ARHGAP28: variants seen among roughly 807,000 people sequenced by gnomAD.
ARHGAP28 encodes rho GTPase-activating protein 28.
ARHGAP28 carries 56 observed loss-of-function variants against 90.7 expected under a neutral mutation model. The ratio of observed to expected loss-of-function variants is 0.62; its 90% confidence interval spans 0.50 to 0.77. The LOEUF is 0.77. Among genes scored for constraint, ARHGAP28 ranks in the 30% least tolerant of loss-of-function variants. The probability of loss-of-function intolerance (pLI) is 0.00; values close to 1 mark genes in which losing one functional copy is unlikely to be tolerated. For missense variants in ARHGAP28, 869 were observed against 900.9 expected, an observed-to-expected ratio of 0.96 and a Z score of 0.45; for synonymous variants, 308 against 323.3, an observed-to-expected ratio of 0.95 and a Z score of 0.51.
At position 6,730,221 on chromosome 18, in the gene ARHGAP28, G is replaced by GTATGTATGTATATATATATATATA. The variant is rs1555621918; in HGVS notation, c.122+281_122+282insGTATGTATATATATATATATATAT. ...GATACGATTTGAGGATAAGTCATGT[G>GTATGTATGTATATATATATATATA]TATATATATATATATACCTCATTTC... On this transcript the variant is annotated intron_variant, in intron 1 of 17. Coordinates refer to ENST00000383472, the MANE Select transcript of ARHGAP28 (RefSeq NM_001366230.1). 37 of 175,084 alleles carry GTATGTATGTATATATATATATATA rather than the reference G, an allele frequency of 2.1e-4. 2 individuals are homozygous for GTATGTATGTATATATATATATATA. The East Asian group carries it at 3.9e-3, about 18-fold the overall frequency. 10.8% of individuals were successfully genotyped at this position (175,084 alleles called of 1,614,324 possible).
intron 1 of ARHGAP28, among the ~76,000 whole-genome samples, chr18:6,765,121 C>G (rs2056190282): frequency 1.3e-5 from 2 of 152,064 alleles, no homozygotes; most frequent in South Asian, 2.1e-4. Flanking sequence ...GGTTTTTGTT[C>G]TGGTAATGTC....
chr18:6,907,783 T>C (rs2057372028), intron 16 of ARHGAP28, among the ~76,000 whole-genome samples: 1 of 152,172 alleles, frequency 6.6e-6, no homozygotes, highest in African/African-American at 2.4e-5. Context: ...ACTAGAGTTT[T>C]GTGAGATGTT....
At chr18:6,766,570 A>G (rs1428333066) in intron 1 of ARHGAP28, among the ~76,000 whole-genome samples, 4 of 152,106 alleles carry the variant, frequency 2.6e-5, no homozygotes, top group South Asian at 2.1e-4. Flanking sequence ...TACAGCGCCA[A>G]TGCCAGCTCC....
intron 1 of ARHGAP28, among the ~76,000 whole-genome samples, chr18:6,738,529 C>T (rs2055947785): frequency 6.6e-6 from 1 of 152,134 alleles, no homozygotes; most frequent in Non-Finnish European, 1.5e-5. Context: ...TACCTTTATA[C>T]AAAGGCCCAT....
chr18:6,839,347 G>A (rs1042909464), intron 3 of ARHGAP28, among the ~76,000 whole-genome samples: 1 of 148,496 alleles, frequency 6.7e-6, no homozygotes, highest in South Asian at 2.1e-4. Context: ...AGGCTGGAGT[G>A]CAGTGGCGCA....
rs374482561 is a variant in ARHGAP28 at position 6,730,219 on chromosome 18, G to GTATATATATATA, written c.122+277_122+278insATATATATATAT. ...TTGATACGATTTGAGGATAAGTCAT[G>GTATATATATATA]TGTATATATATATATATACCTCATT... On this transcript the variant is annotated intron_variant, in intron 1 of 17. Transcript: ENST00000383472. 225 of 158,740 alleles carry GTATATATATATA rather than the reference G, an allele frequency of 1.4e-3. 16 individuals are homozygous for GTATATATATATA. The highest frequency in any genetic ancestry group is 3.6e-3 in the African/African-American group (112 of 30,832). The allele number at this position is 158,740 out of a possible 1,614,324, so 9.8% of individuals were successfully genotyped here.
intron 3 of ARHGAP28, among the ~76,000 whole-genome samples, chr18:6,844,119 G>A (rs1204661395): frequency 6.6e-6 from 1 of 152,032 alleles, no homozygotes; most frequent in East Asian, 1.9e-4. Context: ...TAATTGATAA[G>A]CAACTAGCTA....
intron 4 of ARHGAP28, among the ~76,000 whole-genome samples, chr18:6,851,555 G>A (rs543218322): frequency 1.9e-4 from 29 of 152,126 alleles, no homozygotes; most frequent in African/African-American, 6.3e-4. Flanking sequence ...AGACCCAACC[G>A]TTCTACTCAT....
chr18:6,850,771 G>T, intron 3 of ARHGAP28: 1 of 1,505,278 alleles, frequency 6.6e-7, no homozygotes, highest in Non-Finnish European at 8.8e-7. Flanking sequence ...AGTTAGGAAA[G>T]AAAAGAAAGT....
chr18:6,869,250 ATTCTTTTTTTTT>A (rs2057062779), intron 6 of ARHGAP28, among the ~76,000 whole-genome samples: 1 of 103,812 alleles, frequency 9.6e-6, no homozygotes. Flanking sequence ...TCCTTTTGCC[ATTCTTTTTTTTT>A]TTTTTTTTTT....
At chr18:6,735,294 G>A (rs2055915755) in intron 1 of ARHGAP28, among the ~76,000 whole-genome samples, 2 of 152,122 alleles carry the variant, frequency 1.3e-5, no homozygotes, top group South Asian at 4.1e-4. Context: ...ACTAAACAAA[G>A]TAAAACTGGT....
intron 14 of ARHGAP28, among the ~76,000 whole-genome samples, chr18:6,893,406 C>T (rs910450286): frequency 1.3e-5 from 2 of 152,188 alleles, no homozygotes; most frequent in African/African-American, 4.8e-5. Context: ...AAGCACTCCC[C>T]TAGTTGAAGC....
At chr18:6,846,419 T>G (rs916797401) in intron 3 of ARHGAP28, among the ~76,000 whole-genome samples, 23 of 152,198 alleles carry the variant, frequency 1.5e-4, no homozygotes, top group Non-Finnish European at 7.3e-5. Flanking sequence ...GGTTTGGATG[T>G]GGCCAGTTTG....
chr18:6,828,724 T>C (rs1210301716), intron 2 of ARHGAP28, among the ~76,000 whole-genome samples: 1 of 151,956 alleles, frequency 6.6e-6, no homozygotes, highest in East Asian at 1.9e-4. Context: ...GATGGAAGAG[T>C]GGGGAATAAG....
At chr18:6,772,136 G>A (rs1453455146) in intron 1 of ARHGAP28, among the ~76,000 whole-genome samples, 1 of 152,184 alleles carries the variant, frequency 6.6e-6, no homozygotes, top group Non-Finnish European at 1.5e-5. Context: ...AGGGAAACAA[G>A]CCCAAAAAAG....
At chr18:6,761,966 G>T (rs547102386) in intron 1 of ARHGAP28, among the ~76,000 whole-genome samples, 1 of 152,102 alleles carries the variant, frequency 6.6e-6, no homozygotes, top group Non-Finnish European at 1.5e-5. Flanking sequence ...AATAACCAGC[G>T]GTCTACAGGC....
At chr18:6,904,900 T>C (rs2057357068) in intron 16 of ARHGAP28, among the ~76,000 whole-genome samples, 1 of 152,180 alleles carries the variant, frequency 6.6e-6, no homozygotes, top group Non-Finnish European at 1.5e-5. Flanking sequence ...AATAGTGCTA[T>C]AGCCATTAAA....
chr18:6,761,585 T>A (rs181018615), intron 1 of ARHGAP28, among the ~76,000 whole-genome samples: 3 of 152,294 alleles, frequency 2.0e-5, no homozygotes, highest in Admixed American at 2.0e-4. Flanking sequence ...AGCCATATTA[T>A]AATCTGTTAA....
chr18:6,829,366 A>G (rs1259919371), intron 2 of ARHGAP28, among the ~76,000 whole-genome samples: 2 of 152,176 alleles, frequency 1.3e-5, no homozygotes, highest in Admixed American at 6.5e-5. Context: ...CTCTTCTCCA[A>G]TAGTGATAAA....
Sources: gnomAD v4.1 joint callset for allele counts (sites outside exome capture counted in the v4.1 genomes callset) on GRCh38, gnomAD v4.1.1 for gene constraint, MANE v1.5 for transcripts, NCBI Gene and HGNC (gene_info 2026-07-23, HGNC 2026-07-21) for gene names.